FOCAD: variants seen among roughly 807,000 people sequenced by gnomAD.
FOCAD encodes KIAA1797.
FOCAD carries 198 observed loss-of-function variants against 225.6 expected under a neutral mutation model. The ratio of observed to expected loss-of-function variants is 0.88; its 90% confidence interval spans 0.78 to 0.99. The LOEUF is 0.99. Ranked by LOEUF, FOCAD falls within the 50% of genes least tolerant of loss-of-function variation. The pLI is 0.00. For synonymous variants in FOCAD, 897 were observed against 755.0 expected (o/e 1.19, Z -3.08); for missense variants, 2,713 against 2,123.6 (o/e 1.28, Z -5.46).
chr9:20,800,681 C>T (rs906267271), intron 11 of FOCAD, among the ~76,000 whole-genome samples: 9 of 152,058 alleles, frequency 5.9e-5, no homozygotes, highest in African/African-American at 1.4e-4. Context: ...GTTCTCGTGC[C>T]GTGGTTTTCA....
intron 27 of FOCAD, among the ~76,000 whole-genome samples, chr9:20,930,970 T>G (rs1835410447): frequency 6.6e-6 from 1 of 152,208 alleles, no homozygotes; most frequent in Non-Finnish European, 1.5e-5. Flanking sequence ...TCATGCTCTT[T>G]CTTTGGTATC....
intron 14 of FOCAD, among the ~76,000 whole-genome samples, chr9:20,822,502 T>G (rs1020317555): frequency 2.0e-5 from 3 of 151,914 alleles, no homozygotes; most frequent in African/African-American, 7.3e-5. Flanking sequence ...GCTCAGTCGG[T>G]TATAGTTTTT....
chr9:20,734,886 C>T (rs1827013850), intron 4 of FOCAD, among the ~76,000 whole-genome samples: 1 of 152,172 alleles, frequency 6.6e-6, no homozygotes, highest in African/African-American at 2.4e-5. Flanking sequence ...ATTCGCCCAC[C>T]TTGGGCCTCC....
chr9:20,800,320 T>C (rs1240226034), intron 11 of FOCAD, among the ~76,000 whole-genome samples: 14 of 152,120 alleles, frequency 9.2e-5, no homozygotes, highest in Non-Finnish European at 1.3e-4. Flanking sequence ...CTGACAATTA[T>C]GTGTCTTGGA....
intron 1 of FOCAD, among the ~76,000 whole-genome samples, chr9:20,703,323 G>A (rs1487384492): frequency 6.6e-6 from 1 of 152,140 alleles, no homozygotes; most frequent in Non-Finnish European, 1.5e-5. Flanking sequence ...AAGGAGCTGA[G>A]GGTGTGGTTG....
intron 15 of FOCAD, among the ~76,000 whole-genome samples, chr9:20,861,048 T>G (rs1177253206): frequency 6.6e-6 from 1 of 152,204 alleles, no homozygotes; most frequent in Non-Finnish European, 1.5e-5. Flanking sequence ...TGTTCATTCT[T>G]TCTTCAAATC....
chr9:20,802,391 T>G (rs1035560322), intron 11 of FOCAD, among the ~76,000 whole-genome samples: 4 of 152,136 alleles, frequency 2.6e-5, no homozygotes, highest in South Asian at 2.1e-4. Flanking sequence ...ACACTTCCTT[T>G]TGAAGTGTCC....
chr9:20,731,240 AAACAACAACAACAACAAC>A (rs146322610), intron 4 of FOCAD, among the ~76,000 whole-genome samples: 20 of 150,382 alleles, frequency 1.3e-4, no homozygotes, highest in Non-Finnish European at 1.8e-4. Context: ...TTTGTCTCCA[AAACAACAACAACAACAAC>A]AACAACAACA....
At chr9:20,892,738 A>G (rs1443875718) in intron 21 of FOCAD, among the ~76,000 whole-genome samples, 1 of 152,186 alleles carries the variant, frequency 6.6e-6, no homozygotes, top group Non-Finnish European at 1.5e-5. Flanking sequence ...TGTGGTATCA[A>G]TGTTTGAGAG....
At chr9:20,934,612 T>C (rs948559402) in intron 28 of FOCAD, among the ~76,000 whole-genome samples, 1 of 152,198 alleles carries the variant, frequency 6.6e-6, no homozygotes, top group Non-Finnish European at 1.5e-5. Context: ...CCTAGTTTTA[T>C]ACCAGTACCA....
chr9:20,768,303 A>T (rs907769840), intron 7 of FOCAD, among the ~76,000 whole-genome samples: 5 of 151,562 alleles, frequency 3.3e-5, no homozygotes, highest in African/African-American at 9.7e-5. Flanking sequence ...TGACTTGGCG[A>T]TGCGGGCTCT....
intron 35 of FOCAD, among the ~76,000 whole-genome samples, chr9:20,959,345 T>C (rs1838486399): frequency 6.6e-6 from 1 of 152,166 alleles, no homozygotes; most frequent in African/African-American, 2.4e-5. Flanking sequence ...GTACATCTTT[T>C]GAGAAATATC....
intron 1 of FOCAD, among the ~76,000 whole-genome samples, chr9:20,701,081 T>C (rs951019972): frequency 2.0e-5 from 3 of 152,180 alleles, no homozygotes; most frequent in African/African-American, 7.2e-5. Flanking sequence ...ATTATAACCC[T>C]CTCAGAGCTG....
At chr9:20,698,666 G>A (rs747984970) in intron 1 of FOCAD, among the ~76,000 whole-genome samples, 2 of 152,104 alleles carry the variant, frequency 1.3e-5, no homozygotes, top group African/African-American at 2.4e-5. Flanking sequence ...GAGCCACTGC[G>A]CCCGGCTTAT....
In FOCAD at chr9:20,982,429, A is replaced by G; in HGVS notation, c.4711A>G (p.Ile1571Val). 1 of 1,613,650 alleles carries G rather than the reference A, an allele frequency of 6.2e-7. No individual in the cohort carries two copies. Among genetic ancestry groups the G allele is most frequent in the Middle Eastern group, 1.7e-4 (1 of 6,058 alleles). The change falls in exon 39 of 44, where the codon ATC becomes GTC. Residue 1571 changes from isoleucine to valine, a missense_variant. Ile to Val is a conservative substitution (Grantham distance 29). Coordinates refer to ENST00000338382, the MANE Select transcript of FOCAD (RefSeq NM_001375567.1). Reference sequence around the variant, plus strand: ...AATGACAGATGATGATGCCAATCGGATCGCCCAGGTTACTAAGGTAATAAC... The same window carrying G: ...AATGACAGATGATGATGCCAATCGGGTCGCCCAGGTTACTAAGGTAATAAC... ...LEMTDDDANRIAQVTKSNIEK... is the reference protein window; with the variant it reads ...LEMTDDDANRVAQVTKSNIEK...
intron 15 of FOCAD, among the ~76,000 whole-genome samples, chr9:20,834,341 T>C (rs1407383633): frequency 6.6e-6 from 1 of 151,980 alleles, no homozygotes; most frequent in Non-Finnish European, 1.5e-5. Flanking sequence ...ATAGCTAATG[T>C]GTGTTGGGCT....
chr9:20,758,014 T>C, intron 5 of FOCAD, 76 bp from the exon 6 acceptor site: 2 of 904,958 alleles, frequency 2.2e-6, no homozygotes, highest in South Asian at 1.8e-5. Context: ...TACTGGCTTC[T>C]TTGCTGCTAT....
At chr9:20,982,266 A>T (rs1000414267) in intron 38 of FOCAD, 91 bp from the exon 39 acceptor site, 2 of 904,558 alleles carry the variant, frequency 2.2e-6, no homozygotes, top group Non-Finnish European at 1.7e-6. Flanking sequence ...GCTGCTGTTC[A>T]TGGGGATAAG....
chr9:20,824,952 A>G (rs1824715141), intron 15 of FOCAD, among the ~76,000 whole-genome samples: 1 of 152,072 alleles, frequency 6.6e-6, no homozygotes, highest in Non-Finnish European at 1.5e-5. Flanking sequence ...TTCTTTATAG[A>G]TATTACCAAT....
Sources: allele counts gnomAD v4.1 joint callset (sites outside exome capture counted in the v4.1 genomes callset), GRCh38; gene constraint gnomAD v4.1.1; transcripts MANE v1.5; gene names NCBI Gene and HGNC (gene_info 2026-07-23, HGNC 2026-07-21).